TULP4: variants seen among roughly 807,000 people sequenced by gnomAD.
TULP4 encodes TUB like protein 4.
A neutral mutation model predicts 129.0 loss-of-function variants in TULP4; 16 were observed. The observed-to-expected ratio is 0.12, with a 90% CI of 0.08 to 0.19. TULP4 has a LOEUF of 0.19. Among genes scored for constraint, TULP4 ranks in the 10% least tolerant of loss-of-function variants. The pLI is 1.00. For synonymous variants in TULP4, 998 were observed against 854.0 expected (o/e 1.17, Z -2.94); for missense variants, 1,842 against 2,059.1 (o/e 0.89, Z 2.04).
chr6:158,276,213 G>A (rs1400372559), intron 1 of TULP4, among the ~76,000 whole-genome samples: 1 of 151,896 alleles, frequency 6.6e-6, no homozygotes, highest in Non-Finnish European at 1.5e-5. Flanking sequence ...CGAATGATCT[G>A]CCCACCTTGG....
intron 1 of TULP4, among the ~76,000 whole-genome samples, chr6:158,346,548 G>A (rs903985955): frequency 3.3e-5 from 5 of 152,174 alleles, no homozygotes; most frequent in African/African-American, 1.2e-4. Flanking sequence ...CAAACCTGCA[G>A]TATCTACAAG....
chr6:158,486,290 GACTA>G (rs755357100), intron 8 of TULP4, among the ~76,000 whole-genome samples: 4 of 152,158 alleles, frequency 2.6e-5, no homozygotes, highest in Non-Finnish European at 5.9e-5. Flanking sequence ...AGAAGACAAG[GACTA>G]ACTAACGCCT....
chr6:158,245,666 T>C (rs931711639), intron 1 of TULP4, among the ~76,000 whole-genome samples: 1 of 152,182 alleles, frequency 6.6e-6, no homozygotes, highest in Admixed American at 6.5e-5. Flanking sequence ...GAAATAACCT[T>C]AGACAAGGAA....
chr6:158,438,920 C>G lies in TULP4; in HGVS notation c.543+9023C>G, dbSNP rs192900411. ...GGCACAGTGGCTCATGCCTGTAATC[C>G]CAGCACTTTGGGAGGCCGAGGCGGG... is the stretch of plus-strand genomic sequence containing the variant. On this transcript the variant is annotated intron_variant, in intron 3 of 13. Coordinates refer to ENST00000367097, the MANE Select transcript of TULP4 (RefSeq NM_020245.5). Among the ~76,000 whole-genome samples, 564 of 152,152 alleles carry G rather than the reference C, an allele frequency of 3.7e-3. 3 individuals are homozygous for G. Among genetic ancestry groups the G allele is most frequent in the African/African-American group, 0.013 (534 of 41,498 alleles).
At chr6:158,343,882 G>A (rs1210092050) in intron 1 of TULP4, among the ~76,000 whole-genome samples, 1 of 152,198 alleles carries the variant, frequency 6.6e-6, no homozygotes, top group Non-Finnish European at 1.5e-5. Context: ...AAGTACATGT[G>A]GATGTCAGGC....
At chr6:158,354,904 C>A (rs4993389) in intron 1 of TULP4, among the ~76,000 whole-genome samples, 74,030 of 140,264 alleles carry the variant, frequency 0.53, 19,994 homozygotes, top group South Asian at 0.61. Flanking sequence ...AAAAAAAAAA[C>A]CAGAAAGCCC....
At chr6:158,379,422 A>T (rs1189785976) in intron 1 of TULP4, among the ~76,000 whole-genome samples, 1 of 152,202 alleles carries the variant, frequency 6.6e-6, no homozygotes, top group Non-Finnish European at 1.5e-5. Flanking sequence ...GGACTTATGG[A>T]CAGAGTGCTG....
intron 1 of TULP4, among the ~76,000 whole-genome samples, chr6:158,399,200 G>A (rs529246324): frequency 6.6e-6 from 1 of 152,222 alleles, no homozygotes; most frequent in Non-Finnish European, 1.5e-5. Flanking sequence ...TTTCTAGGCA[G>A]TGAATGACCT....
At chr6:158,241,738 G>T (rs969853864) in intron 1 of TULP4, 1 of 412,424 alleles carries the variant, frequency 2.4e-6, no homozygotes, top group Non-Finnish European at 4.6e-6. Flanking sequence ...GGGACTACAG[G>T]CACGCACCAT....
At chr6:158,481,585 T>C in intron 8 of TULP4, 1 of 466,072 alleles carries the variant, frequency 2.1e-6, no homozygotes, top group Non-Finnish European at 3.9e-6. Flanking sequence ...GGGTTTCCTC[T>C]TCACAGTTAC....
At chr6:158,504,737 C>G (rs1253021765) in intron 13 of TULP4, among the ~76,000 whole-genome samples, 1 of 152,032 alleles carries the variant, frequency 6.6e-6, no homozygotes, top group East Asian at 1.9e-4. Flanking sequence ...AGCAATCCTC[C>G]TGCCTCAGCC....
At chr6:158,326,345 C>A (rs1470129989) in intron 1 of TULP4, among the ~76,000 whole-genome samples, 1 of 151,736 alleles carries the variant, frequency 6.6e-6, no homozygotes, top group Non-Finnish European at 1.5e-5. Context: ...TTGTTTTTTT[C>A]CTGAACACCT....
At chr6:158,402,608 G>A (rs916940958) in intron 1 of TULP4, among the ~76,000 whole-genome samples, 5 of 152,158 alleles carry the variant, frequency 3.3e-5, no homozygotes, top group African/African-American at 1.2e-4. Context: ...AGACATTATT[G>A]TTGGAATATC....
chr6:158,348,351 A>T (rs916393099), intron 1 of TULP4, among the ~76,000 whole-genome samples: 6 of 151,898 alleles, frequency 4.0e-5, no homozygotes, highest in African/African-American at 1.5e-4. Flanking sequence ...GTCCCTGGGT[A>T]CTTGAGATTA....
At chr6:158,295,506 G>A (rs1224443654) in intron 1 of TULP4, among the ~76,000 whole-genome samples, 1 of 152,012 alleles carries the variant, frequency 6.6e-6, no homozygotes, top group Non-Finnish European at 1.5e-5. Flanking sequence ...CTTGTTGTGA[G>A]ATATACATAC....
chr6:158,445,739 G>C (rs922027129), intron 3 of TULP4, among the ~76,000 whole-genome samples: 3 of 152,212 alleles, frequency 2.0e-5, no homozygotes, highest in Non-Finnish European at 4.4e-5. Context: ...CTGGTTGTGT[G>C]TGTGTTGCTC....
intron 3 of TULP4, among the ~76,000 whole-genome samples, chr6:158,433,608 G>A (rs1172045035): frequency 6.6e-6 from 1 of 152,234 alleles, no homozygotes; most frequent in Non-Finnish European, 1.5e-5. Flanking sequence ...CTACTCCGGA[G>A]GCTGAGGCAG....
At chr6:158,444,923 C>T (rs141605473) in intron 3 of TULP4, among the ~76,000 whole-genome samples, 29 of 152,260 alleles carry the variant, frequency 1.9e-4, no homozygotes, top group African/African-American at 2.6e-4. Flanking sequence ...GTGATCCTCC[C>T]GCCTCAGCCT....
rs3749854 is a variant in TULP4 at position 158,508,457 on chromosome 6, A to G, written c.*1763A>G. The G allele has an allele frequency of 0.31, 47,002 of 152,300 alleles. 8,130 individuals are homozygous for G. The highest frequency in any genetic ancestry group is 0.55 in the East Asian group (2,859 of 5,170). The allele number at this position is 152,300 out of a possible 1,614,324, so 9.4% of individuals were successfully genotyped here. ...CCAATTCTCTCCAAACCCCAGAGAAATACTGACGAAGTTTTCTGATGTGGC... is the reference window on the plus strand; with the variant it reads ...CCAATTCTCTCCAAACCCCAGAGAAGTACTGACGAAGTTTTCTGATGTGGC... On this transcript the variant is annotated 3_prime_UTR_variant, in exon 14 of 14. Transcript: ENST00000367097.
Sources: allele counts gnomAD v4.1 joint callset (sites outside exome capture counted in the v4.1 genomes callset), GRCh38; gene constraint gnomAD v4.1.1; transcripts MANE v1.5; gene names NCBI Gene and HGNC (gene_info 2026-07-23, HGNC 2026-07-21).